The following GSE1 variants were observed in gnomAD, a reference collection of about 807,000 sequenced individuals.
GSE1 encodes genetic suppressor element 1.
A neutral mutation model predicts 112.6 loss-of-function variants in GSE1; 32 were observed. The ratio of observed to expected loss-of-function variants is 0.28; its 90% CI spans 0.21 to 0.38. The LOEUF is 0.38. GSE1 is among the 10% of genes least tolerant of loss of function. GSE1 has a pLI of 1.00. For synonymous variants in GSE1, 1,115 were observed against 735.6 expected, an observed-to-expected ratio of 1.52 and a Z score of -8.35; for missense variants, 2,348 against 1,699.2, an observed-to-expected ratio of 1.38 and a Z score of -6.71.
At chr16:85,500,671 C>T (rs1416425848) in intron 2 of GSE1, among the ~76,000 whole-genome samples, 1 of 152,216 alleles carries the variant, frequency 6.6e-6, no homozygotes, top group Non-Finnish European at 1.5e-5. Context: ...CTTCCTCCTC[C>T]ATTTCACCCC....
At chr16:85,622,479 T>G (rs1345273144) in intron 1 of GSE1, among the ~76,000 whole-genome samples, 1 of 152,328 alleles carries the variant, frequency 6.6e-6, no homozygotes, top group Middle Eastern at 3.4e-3. Context: ...TGTAGGAGTT[T>G]GTAGCCTGGG....
intron 2 of GSE1, among the ~76,000 whole-genome samples, chr16:85,408,832 A>C (rs1597649409): frequency 1.9e-5 from 1 of 51,636 alleles, no homozygotes; most frequent in African/African-American, 9.8e-5. Context: ...GATAATCCTC[A>C]CTGTTACACT....
chr16:85,316,413 C>T (rs981423384), intron 1 of GSE1, among the ~76,000 whole-genome samples: 7 of 152,212 alleles, frequency 4.6e-5, no homozygotes, highest in African/African-American at 7.2e-5. Flanking sequence ...TCCCTAGCCA[C>T]GTGTGGCCCA....
chr16:85,324,925 G>A (rs2046194402), intron 1 of GSE1, among the ~76,000 whole-genome samples: 1 of 152,118 alleles, frequency 6.6e-6, no homozygotes, highest in African/African-American at 2.4e-5. Flanking sequence ...ACTTTAAAAT[G>A]GTGCTTTTTG....
At chr16:85,428,223 C>T (rs1403930574) in intron 2 of GSE1, among the ~76,000 whole-genome samples, 2 of 152,334 alleles carry the variant, frequency 1.3e-5, no homozygotes, top group African/African-American at 4.8e-5. Context: ...GCTGAGGGCC[C>T]GAGACAAGGT....
chr16:85,377,424 G>A (rs1211458991), intron 2 of GSE1, among the ~76,000 whole-genome samples: 1 of 152,172 alleles, frequency 6.6e-6, no homozygotes, highest in Non-Finnish European at 1.5e-5. Context: ...CAGATCCCTG[G>A]GGAAAGAGAT....
intron 2 of GSE1, among the ~76,000 whole-genome samples, chr16:85,486,175 C>A (rs113671155): frequency 2.0e-5 from 3 of 152,190 alleles, no homozygotes; most frequent in South Asian, 2.1e-4. Context: ...CTACTCCCTT[C>A]CTCCCTGCCT....
At chr16:85,414,716 C>T (rs987929049) in intron 2 of GSE1, among the ~76,000 whole-genome samples, 3 of 152,192 alleles carry the variant, frequency 2.0e-5, no homozygotes, top group African/African-American at 7.2e-5. Context: ...CTCACTGAAA[C>T]CTCTGCCTCC....
chr16:85,363,164 T>G (rs1205584790), intron 2 of GSE1, among the ~76,000 whole-genome samples: 1 of 152,198 alleles, frequency 6.6e-6, no homozygotes, highest in Non-Finnish European at 1.5e-5. Flanking sequence ...AGATAGCAGA[T>G]GCCACAGACC....
chr16:85,649,178 C>T lies in GSE1; in HGVS notation c.426+427C>T, dbSNP rs539025989. Among the ~76,000 whole-genome samples, 5 of 152,220 alleles carry T rather than the reference C, an allele frequency of 3.3e-5. No individual in the cohort carries two copies. The East Asian group carries it at 7.8e-4, about 24-fold the overall frequency. On this transcript the variant is annotated intron_variant, in intron 3 of 15. Coordinates refer to ENST00000253458, the MANE Select transcript of GSE1 (RefSeq NM_014615.5). Reference sequence around the variant, plus strand: ...AGGACACCAGTCAGCTGGTTTAGCGCCCACCCTAATGTCCTTATTCTCATT... The same window carrying T: ...AGGACACCAGTCAGCTGGTTTAGCGTCCACCCTAATGTCCTTATTCTCATT...
chr16:85,383,021 C>A (rs1444188575), intron 2 of GSE1, among the ~76,000 whole-genome samples: 1 of 151,748 alleles, frequency 6.6e-6, no homozygotes, highest in Non-Finnish European at 1.5e-5. Context: ...CACGGTTGCA[C>A]CCACACATGC....
intron 1 of GSE1, among the ~76,000 whole-genome samples, chr16:85,287,344 C>G (rs1175210988): frequency 6.6e-6 from 1 of 152,180 alleles, no homozygotes; most frequent in Non-Finnish European, 1.5e-5. Context: ...CCCCCTGCAC[C>G]AGCCACCCCA....
At chr16:85,261,256 C>T (rs544274259) in intron 1 of GSE1, among the ~76,000 whole-genome samples, 5 of 152,334 alleles carry the variant, frequency 3.3e-5, no homozygotes, top group South Asian at 4.1e-4. Context: ...TACCCAGTGT[C>T]GTGTGCTTGC....
intron 2 of GSE1, among the ~76,000 whole-genome samples, chr16:85,422,887 G>A (rs972328028): frequency 2.0e-5 from 3 of 152,146 alleles, no homozygotes; most frequent in Admixed American, 1.3e-4. Flanking sequence ...GGGCTCCAGG[G>A]GTGGGGCCGC....
chr16:85,471,828 A>G (rs779376197), intron 2 of GSE1, among the ~76,000 whole-genome samples: 1 of 152,172 alleles, frequency 6.6e-6, no homozygotes, highest in Non-Finnish European at 1.5e-5. Flanking sequence ...TTCCCGCCTC[A>G]GCCTCCCGAG....
At chr16:85,477,381 A>G (rs1441448976) in intron 2 of GSE1, among the ~76,000 whole-genome samples, 1 of 151,884 alleles carries the variant, frequency 6.6e-6, no homozygotes, top group Non-Finnish European at 1.5e-5. Flanking sequence ...AACCCTAGGA[A>G]CCCTTCCTGT....
At chr16:85,346,429 G>GATA (rs2046739709) in intron 1 of GSE1, among the ~76,000 whole-genome samples, 2 of 28,796 alleles carry the variant, frequency 6.9e-5, no homozygotes, top group East Asian at 3.6e-3. Flanking sequence ...GTGATGGACA[G>GATA]GTGGATGGTG....
intron 1 of GSE1, among the ~76,000 whole-genome samples, chr16:85,591,282 G>A (rs1333843017): frequency 6.6e-6 from 1 of 152,058 alleles, no homozygotes; most frequent in Non-Finnish European, 1.5e-5. Context: ...GTACCCAGGA[G>A]TTTAATTGTT....
chr16:85,449,018 C>T (rs746588238), intron 2 of GSE1, among the ~76,000 whole-genome samples: 2 of 152,194 alleles, frequency 1.3e-5, no homozygotes, highest in African/African-American at 4.8e-5. Flanking sequence ...GCCTCTCAGG[C>T]GTCAATATTG....
Sources: gnomAD v4.1 joint callset for allele counts (sites outside exome capture counted in the v4.1 genomes callset) on GRCh38, gnomAD v4.1.1 for gene constraint, MANE v1.5 for transcripts, NCBI Gene and HGNC (gene_info 2026-07-23, HGNC 2026-07-21) for gene names.